The following CDKAL1 variants were observed in gnomAD, a reference collection of about 807,000 sequenced individuals.
CDKAL1 encodes CDKAL1 threonylcarbamoyladenosine tRNA methylthiotransferase.
In CDKAL1, 32 loss-of-function variants were observed where a neutral mutation model predicts 68.2. The ratio of observed to expected loss-of-function variants is 0.47; its 90% CI spans 0.35 to 0.63. CDKAL1 has a LOEUF of 0.63. CDKAL1 is among the 30% of genes least tolerant of loss of function. The pLI is 0.00. For synonymous variants in CDKAL1, 234 were observed against 244.3 expected (o/e 0.96, Z 0.39); for missense variants, 606 against 696.7 (o/e 0.87, Z 1.47).
intron 9 of CDKAL1, among the ~76,000 whole-genome samples, chr6:20,902,411 A>G (rs527573508): frequency 2.6e-5 from 4 of 152,240 alleles, no homozygotes; most frequent in East Asian, 3.9e-4. Flanking sequence ...GGTATGAGTA[A>G]GAGAGGGAGA....
chr6:20,949,095 C>T (rs976099192), intron 9 of CDKAL1, among the ~76,000 whole-genome samples: 2 of 152,130 alleles, frequency 1.3e-5, no homozygotes, highest in African/African-American at 2.4e-5. Context: ...TCTTTGTTAA[C>T]TCTCATTATT....
chr6:20,548,484 G>T, intron 3 of CDKAL1, 109 bp from the exon 4 acceptor site: 1 of 670,566 alleles, frequency 1.5e-6, no homozygotes. Context: ...AGTGAGCTGT[G>T]GTCACACAGC....
chr6:20,780,627 C>T (rs1775376251), intron 7 of CDKAL1, among the ~76,000 whole-genome samples: 1 of 151,292 alleles, frequency 6.6e-6, no homozygotes. Flanking sequence ...AGCAAGTAGG[C>T]CCTGAATACA....
At chr6:20,827,092 C>A (rs1777533356) in intron 8 of CDKAL1, among the ~76,000 whole-genome samples, 1 of 152,102 alleles carries the variant, frequency 6.6e-6, no homozygotes, top group South Asian at 2.1e-4. Context: ...AGAGCTTGTT[C>A]AGCATTATCA....
At chr6:20,865,515 C>A (rs1404012684) in intron 9 of CDKAL1, among the ~76,000 whole-genome samples, 1 of 151,918 alleles carries the variant, frequency 6.6e-6, no homozygotes, top group African/African-American at 2.4e-5. Flanking sequence ...CTCTAGGAAC[C>A]TTAATATACT....
At chr6:21,074,422 G>A (rs1296937739) in intron 12 of CDKAL1, among the ~76,000 whole-genome samples, 1 of 152,106 alleles carries the variant, frequency 6.6e-6, no homozygotes, top group Non-Finnish European at 1.5e-5. Flanking sequence ...TTCCACATAA[G>A]GTAACATTCT....
chr6:20,748,757 A>T (rs2473646), intron 6 of CDKAL1, among the ~76,000 whole-genome samples: 8,383 of 151,496 alleles, frequency 0.055, 266 homozygotes, highest in African/African-American at 0.094. Flanking sequence ...GGGAAAGGAT[A>T]GTCTCTTTAT....
At chr6:21,167,816 CAAG>C (rs2151071387) in intron 13 of CDKAL1, among the ~76,000 whole-genome samples, 2 of 152,308 alleles carry the variant, frequency 1.3e-5, no homozygotes, top group East Asian at 3.9e-4. Flanking sequence ...AAGCCTTACT[CAAG>C]GAGACACAAG....
intron 11 of CDKAL1, among the ~76,000 whole-genome samples, chr6:21,034,875 T>C (rs1769486452): frequency 6.6e-6 from 1 of 152,198 alleles, no homozygotes; most frequent in Admixed American, 6.5e-5. Context: ...ATTTTCCCTT[T>C]CTAAATAAAA....
chr6:20,748,554 GGAAAAAAA>G (rs869233770), intron 6 of CDKAL1, among the ~76,000 whole-genome samples: 805 of 76,934 alleles, frequency 0.01, 48 homozygotes, highest in Non-Finnish European at 0.015. Flanking sequence ...CTCTGTTTCT[GGAAAAAAA>G]AAAAAAAAAA....
At chr6:20,867,329 A>G (rs181985406) in intron 9 of CDKAL1, among the ~76,000 whole-genome samples, 1 of 152,348 alleles carries the variant, frequency 6.6e-6, no homozygotes, top group Admixed American at 6.5e-5. Context: ...TTTATAGACA[A>G]TAAGGATCTA....
At chr6:21,148,968 A>G (rs1776293010) in intron 13 of CDKAL1, among the ~76,000 whole-genome samples, 1 of 152,186 alleles carries the variant, frequency 6.6e-6, no homozygotes, top group African/African-American at 2.4e-5. Context: ...ATCTTGTAGC[A>G]TAAGGGACAT....
intron 11 of CDKAL1, among the ~76,000 whole-genome samples, chr6:21,012,545 G>T (rs539909097): frequency 9.3e-4 from 141 of 152,226 alleles, no homozygotes; most frequent in African/African-American, 3.3e-3. Context: ...AAATAGAATG[G>T]AAATAAGAGA....
chr6:21,187,566 T>A (rs147004095), intron 13 of CDKAL1, among the ~76,000 whole-genome samples: 2 of 152,214 alleles, frequency 1.3e-5, no homozygotes, highest in East Asian at 3.8e-4. Flanking sequence ...GAATCTTTCT[T>A]GGAATTATTC....
intron 4 of CDKAL1, among the ~76,000 whole-genome samples, chr6:20,556,093 G>C (rs891706416): frequency 2.0e-5 from 3 of 151,902 alleles, no homozygotes; most frequent in African/African-American, 7.2e-5. Flanking sequence ...GGCCGGGTGC[G>C]ATCGCTGTCG....
intron 4 of CDKAL1, among the ~76,000 whole-genome samples, chr6:20,595,466 C>G (rs1379392993): frequency 2.6e-5 from 4 of 151,956 alleles, no homozygotes; most frequent in African/African-American, 7.3e-5. Flanking sequence ...ATCCGTTTGG[C>G]TATTGATACT....
chr6:21,119,483 T>G lies in CDKAL1; in HGVS notation c.1299+11020T>G, dbSNP rs139075707. On this transcript the variant is annotated intron_variant, in intron 13 of 15. Coordinates refer to ENST00000274695, the MANE Select transcript of CDKAL1 (RefSeq NM_017774.3). ...ATGTTTCCTCAACACCCAAAGCAGTTCTTGACATGTGGGAGGTGCTCTGTA... is the reference window on the plus strand; with the variant it reads ...ATGTTTCCTCAACACCCAAAGCAGTGCTTGACATGTGGGAGGTGCTCTGTA... 6.2e-3 allele frequency among the ~76,000 whole-genome samples: 937 copies of G among 152,298 alleles called. 8 individuals carry two copies. The highest frequency in any genetic ancestry group is 0.021 in the African/African-American group (891 of 41,576).
chr6:20,976,543 A>G (rs1765855946), intron 10 of CDKAL1, among the ~76,000 whole-genome samples: 1 of 152,188 alleles, frequency 6.6e-6, no homozygotes, highest in Non-Finnish European at 1.5e-5. Context: ...TAAATACCAT[A>G]AAGCGCAATG....
intron 7 of CDKAL1, among the ~76,000 whole-genome samples, chr6:20,772,222 C>T (rs997432314): frequency 6.6e-6 from 1 of 152,188 alleles, no homozygotes; most frequent in African/African-American, 2.4e-5. Flanking sequence ...CAGAAGTGCT[C>T]ATAGCTTTAT....
Sources: gnomAD v4.1 joint callset for allele counts (sites outside exome capture counted in the v4.1 genomes callset) on GRCh38, gnomAD v4.1.1 for gene constraint, MANE v1.5 for transcripts, NCBI Gene and HGNC (gene_info 2026-07-23, HGNC 2026-07-21) for gene names.